Variants in G2E3 observed in about 807,000 individuals in gnomAD.
The protein encoded by G2E3 is G2/M phase-specific E3 ubiquitin-protein ligase.
G2E3 carries 35 observed loss-of-function variants against 92.8 expected under a neutral mutation model. The ratio of observed to expected loss-of-function variants is 0.38; its 90% CI spans 0.29 to 0.50. G2E3 has a LOEUF of 0.50. G2E3 is among the 20% of genes least tolerant of loss of function. The pLI is 0.94. For missense variants in G2E3, 554 were observed against 823.8 expected (o/e 0.67, Z 4.01); for synonymous variants, 242 against 272.4 (o/e 0.89, Z 1.10).
chr14:30,604,015 T>C (rs1417639405), intron 10 of G2E3, among the ~76,000 whole-genome samples: 1 of 152,246 alleles, frequency 6.6e-6, no homozygotes, highest in African/African-American at 2.4e-5. Flanking sequence ...GTTACAAATA[T>C]TGTTATAACA....
chr14:30,574,195 C>T (rs1670952704), intron 1 of G2E3, among the ~76,000 whole-genome samples: 1 of 152,116 alleles, frequency 6.6e-6, no homozygotes, highest in South Asian at 2.1e-4. Context: ...CCCCCTACCC[C>T]TTAATGCTTC....
At chr14:30,616,232 G>T (rs1299185545) in intron 14 of G2E3, 46 bp from the exon 15 acceptor site, 1 of 1,266,202 alleles carries the variant, frequency 7.9e-7, no homozygotes, top group East Asian at 2.3e-5. Context: ...ATATAACATG[G>T]ATTTACTTTT....
chr14:30,573,416 TGTGTGTGTGTGTGTGC>T (rs1012909847), intron 1 of G2E3: 4 of 132,524 alleles, frequency 3.0e-5, no homozygotes, highest in African/African-American at 1.2e-4. Flanking sequence ...GATATGTGTG[TGTGTGTGTGTGTGTGC>T]GTGTGTGTGT....
chr14:30,588,443 CT>C (rs1310632979), intron 3 of G2E3, among the ~76,000 whole-genome samples: 5 of 151,762 alleles, frequency 3.3e-5, no homozygotes, highest in African/African-American at 1.2e-4. Context: ...CACAAATTTG[CT>C]CTACATGGTG....
chr14:30,612,852 C>T (rs1012472556), intron 13 of G2E3, among the ~76,000 whole-genome samples: 1 of 151,932 alleles, frequency 6.6e-6, no homozygotes, highest in Non-Finnish European at 1.5e-5. Flanking sequence ...GCAAGATTCC[C>T]TCTCAAAAAA....
intron 13 of G2E3, among the ~76,000 whole-genome samples, chr14:30,612,911 C>T (rs1882159314): frequency 6.6e-6 from 1 of 152,290 alleles, no homozygotes. Context: ...GAAATAACCA[C>T]TGCTTCAGAT....
At chr14:30,567,465 TTC>T (rs1442990747) in intron 1 of G2E3, among the ~76,000 whole-genome samples, 1 of 152,132 alleles carries the variant, frequency 6.6e-6, no homozygotes, top group Non-Finnish European at 1.5e-5. Flanking sequence ...TCTCATTTAA[TTC>T]TTTTTATTTG....
chr14:30,566,520 A>G (rs1879447644), intron 1 of G2E3, among the ~76,000 whole-genome samples: 1 of 152,132 alleles, frequency 6.6e-6, no homozygotes, highest in Non-Finnish European at 1.5e-5. Context: ...TGTTTACTTA[A>G]TTTCCTTTTT....
intron 1 of G2E3, among the ~76,000 whole-genome samples, chr14:30,576,495 G>T (rs987253645): frequency 1.3e-5 from 2 of 152,100 alleles, no homozygotes; most frequent in Admixed American, 1.3e-4. Context: ...AAAACCAATC[G>T]CAACAAAAGC....
intron 1 of G2E3, among the ~76,000 whole-genome samples, chr14:30,561,549 A>G (rs1879101605): frequency 6.6e-6 from 1 of 152,214 alleles, no homozygotes; most frequent in East Asian, 1.9e-4. Flanking sequence ...TGTTCTATCA[A>G]TACTACTAGA....
chr14:30,586,703 C>T lies in G2E3; in HGVS notation c.38-15C>T. ...TTAAATATATTTTTATATCTATTTA[C>T]TTTTTCACTGTTAGCTTGTGTTTTC... On this transcript the variant is annotated splice_polypyrimidine_tract_variant and intron_variant, in intron 2 of 14. Transcript: ENST00000206595. 1.1e-6 allele frequency: 1 copy of T among 951,118 alleles called. No homozygotes were observed. The highest frequency in any genetic ancestry group is 3.1e-4 in the Middle Eastern group (1 of 3,218). 58.9% of individuals were successfully genotyped at this position (951,118 alleles called of 1,614,324 possible).
At chr14:30,616,194 T>C (rs1377755494) in intron 14 of G2E3, 84 bp from the exon 15 acceptor site, 4 of 903,812 alleles carry the variant, frequency 4.4e-6, no homozygotes, top group Admixed American at 4.6e-5. Flanking sequence ...CCAAGTCTAT[T>C]TGGAGAAGAA....
intron 1 of G2E3, among the ~76,000 whole-genome samples, chr14:30,580,094 A>AAGT (rs1880343681): frequency 6.6e-6 from 1 of 152,228 alleles, no homozygotes; most frequent in African/African-American, 2.4e-5. Context: ...GTTGAGCACT[A>AAGT]CCGTACTAGA....
At chr14:30,597,387 C>A in intron 6 of G2E3, 33 bp from the exon 7 acceptor site, 4 of 1,012,374 alleles carry the variant, frequency 4.0e-6, no homozygotes, top group South Asian at 3.9e-5. Flanking sequence ...AGATTTAAAT[C>A]ATTAACAGTA....
At chr14:30,560,641 C>T (rs1300760163) in intron 1 of G2E3, 6 of 607,168 alleles carry the variant, frequency 9.9e-6, no homozygotes, top group Admixed American at 3.0e-5. Flanking sequence ...ATCGCTATAT[C>T]CTAATCTCTT....
rs889351150 is a variant in G2E3, at chr14:30,603,816, C to T, written c.1010+1685C>T. 7.2e-5 allele frequency among the ~76,000 whole-genome samples: 11 copies of T among 152,184 alleles called. No individual in the cohort carries two copies. In the East Asian group the frequency reaches 2.1e-3, roughly 29 times the overall value. On this transcript the variant is annotated intron_variant, in intron 10 of 14. Coordinates refer to ENST00000206595, the MANE Select transcript of G2E3 (RefSeq NM_017769.5). ...CTATGATCATGCCACTATACTCTCA[C>T]CTGAGTGACACAGCAAGACCTTGTC...
intron 6 of G2E3, among the ~76,000 whole-genome samples, chr14:30,595,948 G>GT (rs1881258981): frequency 6.6e-6 from 1 of 152,034 alleles, no homozygotes. Context: ...CTCTAGTCTT[G>GT]TTGGTATCTT....
At chr14:30,567,430 C>G (rs538936819) in intron 1 of G2E3, among the ~76,000 whole-genome samples, 1 of 151,940 alleles carries the variant, frequency 6.6e-6, no homozygotes, top group Non-Finnish European at 1.5e-5. Context: ...CTTTTAACTT[C>G]TTAGAGTACA....
rs139585540 is a variant in G2E3 at position 30,593,613 on chromosome 14, G to A, written c.502G>A (p.Ala168Thr). Residue 168 changes from alanine to threonine, a missense_variant, in exon 6 of 15, where the codon GCT becomes ACT. Physicochemically the swap from Ala to Thr is moderately conservative, Grantham distance 58. Around this residue, in one of 3 missense-constraint regions of G2E3, gnomAD observed 137 missense variants for 201.3 expected, o/e 0.68. Transcript: ENST00000206595. ...ATTACGAAGTCCTTGTTGTAAGAAC[G>A]CTTGGTTTCATAGAGACTGTTTACA... ...NILRSPCCKN[A>T]WFHRDCLQVQ... The A allele has an allele frequency of 1.8e-5, 29 of 1,608,160 alleles. No individual in the cohort carries two copies. The highest frequency in any genetic ancestry group is 1.1e-4 in the East Asian group (5 of 44,750).
Sources: gnomAD v4.1 joint callset for allele counts (sites outside exome capture counted in the v4.1 genomes callset) on GRCh38, gnomAD v4.1.1 for gene constraint, gnomAD v4.1.1 regional missense constraint, MANE v1.5 for transcripts, NCBI Gene and HGNC (gene_info 2026-07-23, HGNC 2026-07-21) for gene names.